The following CPVL variants were observed in gnomAD, a reference collection of about 807,000 sequenced individuals.
CPVL encodes the protein probable serine carboxypeptidase CPVL.
Under a neutral mutation model 63.7 loss-of-function variants are expected in CPVL, and 51 were observed. The ratio of observed to expected loss-of-function variants is 0.80; its 90% confidence interval spans 0.64 to 1.01. The LOEUF is 1.01. Among genes scored for constraint, CPVL ranks in the 50% least tolerant of loss-of-function variants. The pLI, the probability that CPVL is intolerant of heterozygous loss-of-function variation, is 0.00. For synonymous variants in CPVL, 195 were observed against 206.0 expected, an observed-to-expected ratio of 0.95 and a Z score of 0.46; for missense variants, 530 against 573.1, an observed-to-expected ratio of 0.92 and a Z score of 0.77.
intron 3 of CPVL, among the ~76,000 whole-genome samples, chr7:29,100,521 C>T (rs1002619289): frequency 1.3e-5 from 2 of 152,162 alleles, no homozygotes; most frequent in African/African-American, 2.4e-5. Context: ...CCACCCTATC[C>T]TCCCTTGGCC....
intron 3 of CPVL, among the ~76,000 whole-genome samples, chr7:29,108,995 T>C (rs1787995974): frequency 6.6e-6 from 1 of 152,190 alleles, no homozygotes; most frequent in Non-Finnish European, 1.5e-5. Flanking sequence ...GTTGAGTAAC[T>C]TGGGGCTGAT....
At chr7:28,995,907 G>A (rs762365980) in intron 12 of CPVL, 25 bp from the exon 13 acceptor site, 24 of 1,352,068 alleles carry the variant, frequency 1.8e-5, no homozygotes, top group African/African-American at 5.9e-5. Flanking sequence ...GTAAAAGAAC[G>A]GAAATTTAGA....
At chr7:29,192,295 C>G (rs188251654) in intron 1 of CPVL, 27 of 152,302 alleles carry the variant, frequency 1.8e-4, no homozygotes, top group African/African-American at 6.0e-4. Context: ...TACCCCCGTC[C>G]CTTCATCTGT....
chr7:29,184,182 T>C (rs922287701), intron 4 of CPVL, among the ~76,000 whole-genome samples: 1 of 150,932 alleles, frequency 6.6e-6, no homozygotes, highest in African/African-American at 2.4e-5. Flanking sequence ...GATAGATAGA[T>C]AGATAGATAG....
At chr7:28,996,427 C>G (rs1416972047) in intron 12 of CPVL, among the ~76,000 whole-genome samples, 2 of 151,438 alleles carry the variant, frequency 1.3e-5, no homozygotes, top group Non-Finnish European at 2.9e-5. Flanking sequence ...TTGACTGAGG[C>G]AGGAAGATGA....
chr7:29,095,992 G>T, intron 4 of CPVL, 111 bp downstream of exon 4: 1 of 871,052 alleles, frequency 1.1e-6, no homozygotes, highest in African/African-American at 1.7e-5. Flanking sequence ...TGATAATCTG[G>T]AACGGTTAAG....
intron 12 of CPVL, among the ~76,000 whole-genome samples, chr7:29,014,693 T>C (rs143222659): frequency 1.1e-3 from 173 of 152,294 alleles, no homozygotes; most frequent in African/African-American, 4.0e-3. Flanking sequence ...ATCATTGCCT[T>C]AAGCCTATTT....
chr7:29,120,998 C>G lies in CPVL; in HGVS notation c.64G>C (p.Gly22Arg). 1 of 1,613,406 alleles carries G rather than the reference C, an allele frequency of 6.2e-7. No individual in the cohort carries two copies. The highest frequency in any genetic ancestry group is 8.5e-7 in the Non-Finnish European group (1 of 1,179,698). The change falls in exon 2 of 13, where the codon GGG (glycine) becomes CGG (arginine). Residue 22 changes from glycine (G) to arginine (R), a missense_variant. Coordinates refer to ENST00000265394, the MANE Select transcript of CPVL (RefSeq NM_031311.5). ...CTTCTGTATAGGGAGCGAAACAGCCCATCACAGGGGCCAGGCATCAACAGG... is the reference window on the plus strand; with the variant it reads ...CTTCTGTATAGGGAGCGAAACAGCCGATCACAGGGGCCAGGCATCAACAGG... The part of the protein sequence containing the change: ...LVLLMPGPCD[G>R]LFRSLYRSVS...
intron 5 of CPVL, among the ~76,000 whole-genome samples, chr7:29,163,516 G>A (rs1272896383): frequency 6.6e-6 from 1 of 152,086 alleles, no homozygotes; most frequent in Non-Finnish European, 1.5e-5. Flanking sequence ...ATATGCATAT[G>A]AGCAATTATT....
chr7:29,065,399 T>C (rs987423995), intron 10 of CPVL, among the ~76,000 whole-genome samples: 1 of 152,234 alleles, frequency 6.6e-6, no homozygotes, highest in Non-Finnish European at 1.5e-5. Context: ...GAATGCATTG[T>C]CATAAGCATT....
intron 12 of CPVL, among the ~76,000 whole-genome samples, chr7:29,021,776 T>G (rs1276010080): frequency 6.6e-6 from 1 of 151,846 alleles, no homozygotes; most frequent in Non-Finnish European, 1.5e-5. Flanking sequence ...AGCTACGGCA[T>G]GGTGCCATTT....
At chr7:29,175,619 TATCTTTGTAGATTACCA>T (rs1797213141) in intron 5 of CPVL, among the ~76,000 whole-genome samples, 1 of 152,170 alleles carries the variant, frequency 6.6e-6, no homozygotes, top group Admixed American at 6.5e-5. Flanking sequence ...TTTTTCCTCT[TATCTTTGTAGATTACCA>T]ATCTTGAGTA....
intron 11 of CPVL, among the ~76,000 whole-genome samples, chr7:29,060,055 T>C (rs1167748866): frequency 6.6e-6 from 1 of 152,216 alleles, no homozygotes; most frequent in Non-Finnish European, 1.5e-5. Context: ...ACTGGAAGCC[T>C]GTCCATTCTT....
chr7:29,118,350 A>T (rs1050359004), intron 2 of CPVL, among the ~76,000 whole-genome samples: 2 of 152,250 alleles, frequency 1.3e-5, no homozygotes, highest in African/African-American at 2.4e-5. Context: ...AATCTAAGCC[A>T]TCAGAATCCA....
intron 7 of CPVL, among the ~76,000 whole-genome samples, chr7:29,085,340 G>A (rs1034135310): frequency 6.6e-6 from 1 of 152,178 alleles, no homozygotes; most frequent in Non-Finnish European, 1.5e-5. Flanking sequence ...GGGGTTCCCA[G>A]TGACCAAATT....
chr7:29,095,865 C>T (rs1460565220), intron 4 of CPVL, among the ~76,000 whole-genome samples: 2 of 152,162 alleles, frequency 1.3e-5, no homozygotes, highest in Non-Finnish European at 2.9e-5. Context: ...CAGCAGCAGA[C>T]TGCAAGAAAG....
At chr7:29,170,312 G>A (rs891053351) in intron 5 of CPVL, among the ~76,000 whole-genome samples, 5 of 152,192 alleles carry the variant, frequency 3.3e-5, no homozygotes, top group African/African-American at 1.2e-4. Flanking sequence ...CTAGGGAACA[G>A]TGAATCTTCA....
intron 11 of CPVL, among the ~76,000 whole-genome samples, chr7:29,042,167 G>C (rs1789161063): frequency 6.6e-6 from 1 of 152,202 alleles, no homozygotes; most frequent in Non-Finnish European, 1.5e-5. Flanking sequence ...CTATGTCCAT[G>C]TGGAGGAGGA....
At chr7:29,167,295 A>T (rs1251018754) in intron 5 of CPVL, among the ~76,000 whole-genome samples, 1 of 152,178 alleles carries the variant, frequency 6.6e-6, no homozygotes, top group Non-Finnish European at 1.5e-5. Context: ...TTTTTCATTC[A>T]ATATGTTTCT....
Sources: gnomAD v4.1 joint callset for allele counts (sites outside exome capture counted in the v4.1 genomes callset) on GRCh38, gnomAD v4.1.1 for gene constraint, MANE v1.5 for transcripts, NCBI Gene and HGNC (gene_info 2026-07-23, HGNC 2026-07-21) for gene names.